Variants in GALNT10 observed in about 807,000 individuals in gnomAD.
GALNT10 encodes the protein polypeptide N-acetylgalactosaminyltransferase 10.
In GALNT10, 41 loss-of-function variants were observed where a neutral mutation model predicts 75.0. The observed-to-expected ratio is 0.55, with a 90% CI of 0.43 to 0.71. GALNT10 has a LOEUF of 0.71. Ranked by LOEUF, GALNT10 falls within the 30% of genes least tolerant of loss-of-function variation. GALNT10 has a pLI of 0.00. For synonymous variants in GALNT10, 302 were observed against 313.0 expected (o/e 0.96, Z 0.37); for missense variants, 727 against 818.5 (o/e 0.89, Z 1.36).
chr5:154,366,496 C>G (rs1480380245), intron 4 of GALNT10, among the ~76,000 whole-genome samples: 1 of 152,046 alleles, frequency 6.6e-6, no homozygotes, highest in East Asian at 1.9e-4. Context: ...GTGAGTCAGC[C>G]GGATGTTGGA....
At chr5:154,382,637 C>A (rs1755750073) in intron 6 of GALNT10, among the ~76,000 whole-genome samples, 1 of 152,170 alleles carries the variant, frequency 6.6e-6, no homozygotes, top group African/African-American at 2.4e-5. Context: ...AGAGAGGAAA[C>A]AAGACTTGTC....
intron 1 of GALNT10, among the ~76,000 whole-genome samples, chr5:154,192,891 A>G (rs750540848): frequency 6.6e-6 from 1 of 152,190 alleles, no homozygotes; most frequent in Non-Finnish European, 1.5e-5. Context: ...TCATTTCTGT[A>G]GACCCAGATG....
rs1582023844 is a variant in GALNT10 at position 154,417,127 on chromosome 5, G to A, written c.*155G>A. Reference sequence around the variant, plus strand: ...GCTCTTGATTCAGGGGCTGGGGTCTGCCTGGTCCTTGAGCCCCTGAGTTGT... The same window carrying A: ...GCTCTTGATTCAGGGGCTGGGGTCTACCTGGTCCTTGAGCCCCTGAGTTGT... On this transcript the variant is annotated 3_prime_UTR_variant, in exon 12 of 12. Coordinates refer to ENST00000297107, the MANE Select transcript of GALNT10 (RefSeq NM_198321.4). 2 of 658,400 alleles carry A rather than the reference G, an allele frequency of 3.0e-6. No individual in the cohort carries two copies. The highest frequency in any genetic ancestry group is 5.3e-5 in the East Asian group (2 of 37,698). 40.8% of individuals were successfully genotyped at this position (658,400 alleles called of 1,614,324 possible).
chr5:154,291,584 A>G (rs950480798), intron 1 of GALNT10, among the ~76,000 whole-genome samples: 1 of 152,078 alleles, frequency 6.6e-6, no homozygotes, highest in African/African-American at 2.4e-5. Flanking sequence ...CTTCTTCCAA[A>G]TGGTTTTATT....
At chr5:154,269,386 C>T (rs1753827639) in intron 1 of GALNT10, among the ~76,000 whole-genome samples, 1 of 152,126 alleles carries the variant, frequency 6.6e-6, no homozygotes, top group Admixed American at 6.5e-5. Context: ...AAAATACACA[C>T]AAAAAAGTCC....
intron 1 of GALNT10, among the ~76,000 whole-genome samples, chr5:154,237,894 C>T (rs971646406): frequency 6.6e-6 from 1 of 152,148 alleles, no homozygotes; most frequent in South Asian, 2.1e-4. Flanking sequence ...ATTTCTCCAC[C>T]GCACCATGAC....
intron 2 of GALNT10, among the ~76,000 whole-genome samples, chr5:154,296,199 G>A (rs1389040005): frequency 1.3e-5 from 2 of 152,142 alleles, no homozygotes; most frequent in Non-Finnish European, 2.9e-5. Context: ...TGATTCTCCT[G>A]CCTCAGCCTC....
intron 8 of GALNT10, among the ~76,000 whole-genome samples, chr5:154,404,731 G>A (rs1156373292): frequency 2.6e-5 from 4 of 152,230 alleles, no homozygotes; most frequent in African/African-American, 9.6e-5. Context: ...TACAGGTGGT[G>A]TGGTGTGGTG....
At chr5:154,293,910 G>A (rs1444962912) in intron 1 of GALNT10, among the ~76,000 whole-genome samples, 1 of 152,028 alleles carries the variant, frequency 6.6e-6, no homozygotes, top group Non-Finnish European at 1.5e-5. Flanking sequence ...CTCCCCAGTG[G>A]AACTGAACTC....
intron 1 of GALNT10, among the ~76,000 whole-genome samples, chr5:154,226,059 AC>A: frequency 6.6e-6 from 1 of 152,088 alleles, no homozygotes; most frequent in Non-Finnish European, 1.5e-5. Flanking sequence ...GGTGCAGCAC[AC>A]CAACATGGCA....
In GALNT10 at chr5:154,378,317, T is replaced by TATCATCATCATCATCATC. The variant is rs111591729; in HGVS notation, c.754+1864_754+1881dup. On this transcript the variant is annotated intron_variant, in intron 5 of 11. Coordinates refer to ENST00000297107, the MANE Select transcript of GALNT10 (RefSeq NM_198321.4). ...CACTGTTGATCATCATTTCCTTTTT[T>TATCATCATCATCATCATC]ATCATCATCATCATCATCATCATCA... 1.3e-3 allele frequency among the ~76,000 whole-genome samples: 202 copies of TATCATCATCATCATCATC among 150,988 alleles called. 1 individual carries two copies. Among genetic ancestry groups the TATCATCATCATCATCATC allele is most frequent in the South Asian group, 0.01 (48 of 4,724 alleles).
chr5:154,401,725 G>A (rs1225396982), intron 7 of GALNT10, among the ~76,000 whole-genome samples: 2 of 152,098 alleles, frequency 1.3e-5, no homozygotes, highest in Non-Finnish European at 2.9e-5. Context: ...ATCAGGGCTG[G>A]GGATGGAGAC....
At chr5:154,389,319 C>G (rs1755858563) in intron 7 of GALNT10, 1 of 151,686 alleles carries the variant, frequency 6.6e-6, no homozygotes, top group African/African-American at 2.4e-5. Context: ...TGATATAACA[C>G]TGTCAGCCAT....
chr5:154,247,438 C>T (rs920473631), intron 1 of GALNT10, among the ~76,000 whole-genome samples: 1 of 152,162 alleles, frequency 6.6e-6, no homozygotes, highest in African/African-American at 2.4e-5. Flanking sequence ...TCTTCCTACC[C>T]GTGAGCATGG....
intron 7 of GALNT10, among the ~76,000 whole-genome samples, chr5:154,396,026 G>A (rs573938275): frequency 6.6e-6 from 1 of 152,292 alleles, no homozygotes; most frequent in African/African-American, 2.4e-5. Flanking sequence ...GCTCAGGCGT[G>A]GGTGTGGAAG....
intron 4 of GALNT10, among the ~76,000 whole-genome samples, chr5:154,356,796 G>C (rs1440339206): frequency 1.3e-5 from 2 of 152,210 alleles, no homozygotes; most frequent in Non-Finnish European, 2.9e-5. Flanking sequence ...CCCAGATAAA[G>C]AGGGCTACAG....
At chr5:154,408,142 G>A (rs1443289730) in intron 8 of GALNT10, among the ~76,000 whole-genome samples, 2 of 152,192 alleles carry the variant, frequency 1.3e-5, no homozygotes, top group African/African-American at 4.8e-5. Flanking sequence ...GTCTATGGCT[G>A]CTTTATAGCT....
In GALNT10 at chr5:154,376,178, GT is replaced by G; in HGVS notation, c.569-98del. On this transcript the variant is annotated intron_variant, in intron 4 of 11. Coordinates refer to ENST00000297107, the MANE Select transcript of GALNT10 (RefSeq NM_198321.4). The surrounding 1 kb of genome is among the most constrained non-coding windows in gnomAD (Gnocchi z 4.1). ...TAGTGAGGCAGTGTACAGGAAAGCT[GT>G]GTCTAGACTGTGAAGTGCAGTTCAC... The G allele has an allele frequency of 1.3e-6, 1 of 783,984 alleles. No homozygotes were observed. Among genetic ancestry groups the G allele is most frequent in the Non-Finnish European group, 2.2e-6 (1 of 453,868 alleles). The allele number at this position is 783,984 out of a possible 1,614,324, so 48.6% of individuals were successfully genotyped here.
intron 1 of GALNT10, among the ~76,000 whole-genome samples, chr5:154,264,522 A>G (rs888475539): frequency 3.5e-4 from 53 of 152,158 alleles, no homozygotes; most frequent in Admixed American, 3.3e-3. Flanking sequence ...AAAAATGTAT[A>G]TAATGTATAT....
Sources: gnomAD v4.1 joint callset for allele counts (sites outside exome capture counted in the v4.1 genomes callset) on GRCh38, gnomAD v4.1.1 for gene constraint, Gnocchi (gnomAD v3.1) non-coding constraint, MANE v1.5 for transcripts, NCBI Gene and HGNC (gene_info 2026-07-23, HGNC 2026-07-21) for gene names.